The following GRAP2 variants were observed in gnomAD, a reference collection of about 807,000 sequenced individuals.
GRAP2 encodes GRB2 related adaptor protein 2.
Under a neutral mutation model 43.5 loss-of-function variants are expected in GRAP2, and 31 were observed. That is an observed-to-expected ratio of 0.71 (90% CI 0.54 to 0.96). The LOEUF is 0.96. Ranked by LOEUF, GRAP2 falls within the 40% of genes least tolerant of loss-of-function variation. GRAP2 has a pLI of 0.00. For missense variants in GRAP2, 371 were observed against 424.4 expected (o/e 0.87, Z 1.11); for synonymous variants, 156 against 164.8 (o/e 0.95, Z 0.41).
intron 1 of GRAP2, chr22:39,926,680 G>A (rs137979): frequency 0.43 from 418,667 of 984,076 alleles, 94,129 homozygotes; most frequent in African/African-American, 0.77. Context: ...TGGAAAATTC[G>A]TTGCCATGCA....
chr22:39,917,034 C>T lies in GRAP2; in HGVS notation c.-15+15704C>T, dbSNP rs573205241. On this transcript the variant is annotated intron_variant, in intron 1 of 7. Transcript: ENST00000344138. ...AATAGAAAGCAATGGGTGGAGCTTCCAATTGCTTCTCTTTGGTATTCATTA... is the reference window on the plus strand; with the variant it reads ...AATAGAAAGCAATGGGTGGAGCTTCTAATTGCTTCTCTTTGGTATTCATTA... Among the ~76,000 whole-genome samples the T allele has an allele frequency of 3.3e-5, 5 of 152,254 alleles. No homozygotes were observed. The South Asian group carries it at 1.0e-3, about 32-fold the overall frequency.
At chr22:39,928,778 C>G (rs940930841) in intron 1 of GRAP2, among the ~76,000 whole-genome samples, 1 of 152,212 alleles carries the variant, frequency 6.6e-6, no homozygotes, top group Non-Finnish European at 1.5e-5. Flanking sequence ...CGTTGCTGCT[C>G]TCTTTTGAGT....
At chr22:39,941,469 G>A (rs924939159) in intron 1 of GRAP2, among the ~76,000 whole-genome samples, 7 of 152,144 alleles carry the variant, frequency 4.6e-5, no homozygotes, top group Non-Finnish European at 7.3e-5. Flanking sequence ...GGGGGAGATA[G>A]GATATAGATA....
At position 39,901,285 on chromosome 22, in the gene GRAP2, C is replaced by A; in HGVS notation, c.-60C>A. On this transcript the variant is annotated 5_prime_UTR_variant, in exon 1 of 8. An upstream open reading frame in the 5' UTR gains an earlier in-frame stop. Coordinates refer to ENST00000344138, the MANE Select transcript of GRAP2 (RefSeq NM_004810.4). ...CTTGCCAGAAAGGATTCTAATAACT[C>A]GGTGTCAAAGCCAAGACATAAACTC... 1 of 1,282,992 alleles carries A rather than the reference C, an allele frequency of 7.8e-7. No homozygotes were observed. The highest frequency in any genetic ancestry group is 1.0e-6 in the Non-Finnish European group (1 of 983,112). The allele number at this position is 1,282,992 out of a possible 1,614,324, so 79.5% of individuals were successfully genotyped here. A position where few individuals can be genotyped will look rare whatever the true frequency, so the allele number is the denominator to read the frequency against.
intron 2 of GRAP2, among the ~76,000 whole-genome samples, chr22:39,954,557 G>A (rs1199022930): frequency 2.0e-5 from 3 of 152,108 alleles, no homozygotes; most frequent in Non-Finnish European, 4.4e-5. Flanking sequence ...ACCAGGCCCG[G>A]CTCCTTTTTG....
intron 1 of GRAP2, among the ~76,000 whole-genome samples, chr22:39,925,807 A>G (rs897276520): frequency 6.6e-6 from 1 of 152,074 alleles, no homozygotes; most frequent in Non-Finnish European, 1.5e-5. Flanking sequence ...TGAGTCCCCG[A>G]CTTCATCTCT....
intron 1 of GRAP2, among the ~76,000 whole-genome samples, chr22:39,908,001 G>A (rs961127440): frequency 3.9e-5 from 6 of 152,252 alleles, no homozygotes; most frequent in African/African-American, 1.4e-4. Flanking sequence ...GCCCTCGATG[G>A]GCTTCTGGAA....
chr22:39,908,419 G>A (rs1476543428), intron 1 of GRAP2, among the ~76,000 whole-genome samples: 1 of 152,192 alleles, frequency 6.6e-6, no homozygotes, highest in Non-Finnish European at 1.5e-5. Flanking sequence ...GCAATGGGCA[G>A]ACATCCCATG....
chr22:39,944,902 C>G (rs540075391), intron 1 of GRAP2, among the ~76,000 whole-genome samples: 9 of 152,330 alleles, frequency 5.9e-5, no homozygotes, highest in Non-Finnish European at 1.3e-4. Flanking sequence ...AATTTGCATA[C>G]AAATGGGACC....
chr22:39,968,936 ATC>A (rs1569218795), intron 6 of GRAP2, among the ~76,000 whole-genome samples: 1 of 152,084 alleles, frequency 6.6e-6, no homozygotes, highest in African/African-American at 2.4e-5. Context: ...TTATATGCTG[ATC>A]TCTCTGCCTG....
At chr22:39,901,853 T>C (rs2145562595) in intron 1 of GRAP2, among the ~76,000 whole-genome samples, 1 of 152,240 alleles carries the variant, frequency 6.6e-6, no homozygotes, top group East Asian at 1.9e-4. Flanking sequence ...AAGTGTATTT[T>C]GGAAGGGTAT....
At chr22:39,898,187 T>C (rs1208524848), upstream of GRAP2, among the ~76,000 whole-genome samples, 1 of 152,262 alleles carries the variant, frequency 6.6e-6, no homozygotes, top group African/African-American at 2.4e-5. Context: ...TTCTAGACTT[T>C]GCTCAAATGT....
intron 1 of GRAP2, among the ~76,000 whole-genome samples, chr22:39,910,738 A>AT (rs201138054): frequency 6.9e-6 from 1 of 145,118 alleles, no homozygotes; most frequent in Non-Finnish European, 1.5e-5. Context: ...TACACTGTTG[A>AT]TTTAAAAAAA....
chr22:39,908,607 T>C (rs888027105), intron 1 of GRAP2, among the ~76,000 whole-genome samples: 36 of 152,298 alleles, frequency 2.4e-4, no homozygotes, highest in African/African-American at 8.7e-4. Flanking sequence ...TGTCCCAGAA[T>C]TGTTCTTGGA....
At chr22:39,945,375 GC>G (rs767514673) in intron 1 of GRAP2, among the ~76,000 whole-genome samples, 3 of 152,170 alleles carry the variant, frequency 2.0e-5, no homozygotes, top group Non-Finnish European at 4.4e-5. Context: ...AGAGAAATGA[GC>G]CCCTTGCTAT....
chr22:39,955,956 C>T (rs755312398), intron 3 of GRAP2, 46 bp downstream of exon 3: 1 of 877,506 alleles, frequency 1.1e-6, no homozygotes, highest in African/African-American at 1.6e-5. Context: ...ACACACACTC[C>T]TCTTACATTT....
intron 1 of GRAP2, among the ~76,000 whole-genome samples, chr22:39,927,173 C>T (rs887129256): frequency 2.0e-5 from 3 of 152,162 alleles, no homozygotes; most frequent in African/African-American, 4.8e-5. Flanking sequence ...TAATTCTGCC[C>T]CCCCGGCCAT....
At chr22:39,954,138 A>ACTTTTC (rs1275106013) in intron 2 of GRAP2, among the ~76,000 whole-genome samples, 2 of 152,202 alleles carry the variant, frequency 1.3e-5, no homozygotes, top group African/African-American at 4.8e-5. Flanking sequence ...TCTCCTCTAC[A>ACTTTTC]TATGGATGCC....
Position 39,955,830 on chromosome 22 carries a change from C to G in GRAP2, c.90C>G (p.Asn30Lys). 2 of 1,544,318 alleles carry G rather than the reference C, an allele frequency of 1.3e-6. No homozygotes were observed. The highest frequency in any genetic ancestry group is 1.8e-6 in the Non-Finnish European group (2 of 1,116,422). Residue 30 changes from asparagine (N) to lysine (K), a missense_variant, in exon 3 of 8, where the codon AAC becomes AAG. Physicochemically the swap from Asn to Lys is moderately conservative, Grantham distance 94. Coordinates refer to ENST00000344138, the MANE Select transcript of GRAP2 (RefSeq NM_004810.4). ...TTTCTTCCATGTAGATTTTAAGTAACCAAGAGGAGTGGTTTAAGGCGGAGC... is the reference window on the plus strand; with the variant it reads ...TTTCTTCCATGTAGATTTTAAGTAAGCAAGAGGAGTGGTTTAAGGCGGAGC... ...HTGDVLKILS[N>K]QEEWFKAELG... is the part of the protein sequence containing the mutation.
Sources: allele counts gnomAD v4.1 joint callset (sites outside exome capture counted in the v4.1 genomes callset), GRCh38; gene constraint gnomAD v4.1.1; transcripts MANE v1.5; gene names NCBI Gene and HGNC (gene_info 2026-07-23, HGNC 2026-07-21).